AQR: variants seen among roughly 807,000 people sequenced by gnomAD.
AQR encodes aquarius intron-binding spliceosomal factor.
A neutral mutation model predicts 180.5 loss-of-function variants in AQR; 61 were observed. That is an observed-to-expected ratio of 0.34 (90% confidence interval 0.28 to 0.42). The LOEUF is 0.42. Ranked by LOEUF, AQR falls within the 10% of genes least tolerant of loss-of-function variation. The pLI is 1.00. For missense variants in AQR, 1,281 were observed against 1,798.3 expected, an observed-to-expected ratio of 0.71 and a Z score of 5.20; for synonymous variants, 551 against 588.8, an observed-to-expected ratio of 0.94 and a Z score of 0.93.
intron 1 of AQR, among the ~76,000 whole-genome samples, chr15:34,968,248 GGA>G: frequency 1.7e-5 from 2 of 119,764 alleles, no homozygotes; most frequent in Admixed American, 8.9e-5. Flanking sequence ...AGGAAAGGAA[GGA>G]AGAGATTTTT....
chr15:34,952,482 T>C (rs1894249129), intron 4 of AQR, among the ~76,000 whole-genome samples: 1 of 152,208 alleles, frequency 6.6e-6, no homozygotes. Flanking sequence ...CTAAAAATCA[T>C]ACATTATCTT....
At chr15:34,961,859 C>CA (rs2050281534) in intron 2 of AQR, among the ~76,000 whole-genome samples, 1 of 151,746 alleles carries the variant, frequency 6.6e-6, no homozygotes, top group Non-Finnish European at 1.5e-5. Context: ...TAAGACAGGG[C>CA]ATATAAACAA....
intron 20 of AQR, 68 bp downstream of exon 20, chr15:34,900,554 A>T: frequency 6.5e-7 from 1 of 1,536,528 alleles, no homozygotes; most frequent in Non-Finnish European, 8.8e-7. Flanking sequence ...TTTAGCTAAC[A>T]ATCCTGATGG....
intron 5 of AQR, among the ~76,000 whole-genome samples, chr15:34,946,438 G>GGA (rs1566995093): frequency 7.3e-6 from 1 of 136,450 alleles, no homozygotes; most frequent in Non-Finnish European, 1.6e-5. Flanking sequence ...GGTGGGGGGG[G>GGA]TCAGCCCCCC....
At chr15:34,941,929 T>C in intron 7 of AQR, 83 bp downstream of exon 7, 1 of 1,012,546 alleles carries the variant, frequency 9.9e-7, no homozygotes, top group Non-Finnish European at 1.4e-6. Context: ...ACCACTTGTA[T>C]ATCCAGATTA....
chr15:34,937,443 A>G (rs1054525133), intron 9 of AQR, among the ~76,000 whole-genome samples: 1 of 152,206 alleles, frequency 6.6e-6, no homozygotes, highest in African/African-American at 2.4e-5. Context: ...CAATTGTAAA[A>G]TATTACTTGG....
At position 34,888,971 on chromosome 15, in the gene AQR, A is replaced by G. The variant is rs561238725; in HGVS notation, c.2681+1244T>C. On this transcript the variant is annotated intron_variant, in intron 24 of 34. Transcript: ENST00000156471. ...GTTATGTGTCAGAATTTAAAAGTAC[A>G]TTTTTTCTAACAAATTTGGTGGTAC... Among the ~76,000 whole-genome samples, 23 of 152,330 alleles carry G rather than the reference A, an allele frequency of 1.5e-4. No homozygotes were observed. In the South Asian group the frequency reaches 4.8e-3, roughly 32 times the overall value.
chr15:34,959,129 A>G (rs1421258690), intron 3 of AQR, among the ~76,000 whole-genome samples: 1 of 152,130 alleles, frequency 6.6e-6, no homozygotes, highest in Non-Finnish European at 1.5e-5. Flanking sequence ...AGCATCGAAA[A>G]GGTGGCTAAT....
chr15:34,916,625 T>TA (rs1893593227), intron 15 of AQR, among the ~76,000 whole-genome samples: 1 of 151,960 alleles, frequency 6.6e-6, no homozygotes, highest in African/African-American at 2.4e-5. Context: ...ATCTAGGTGT[T>TA]AAATATCTAT....
At position 34,874,988 on chromosome 15, in the gene AQR, G is replaced by C. The variant is rs187500930; in HGVS notation, c.3238-124C>G. 7 of 897,460 alleles carry C rather than the reference G, an allele frequency of 7.8e-6. No homozygotes were observed. In the East Asian group the frequency reaches 1.9e-4, roughly 24 times the overall value. 55.6% of individuals were successfully genotyped at this position (897,460 alleles called of 1,614,324 possible). On this transcript the variant is annotated intron_variant, in intron 28 of 34. Coordinates refer to ENST00000156471, the MANE Select transcript of AQR (RefSeq NM_014691.3). Reference sequence around the variant, plus strand: ...TCTTACAAATTACCAAACTTTACCAGCTCCACAAACAGGAGTCTAGCAAAT... The same window carrying C: ...TCTTACAAATTACCAAACTTTACCACCTCCACAAACAGGAGTCTAGCAAAT...
At chr15:34,871,319 C>G (rs1892813309) in intron 30 of AQR, among the ~76,000 whole-genome samples, 1 of 151,962 alleles carries the variant, frequency 6.6e-6, no homozygotes, top group African/African-American at 2.4e-5. Flanking sequence ...CCAGCCTGGA[C>G]AACATGGTGA....
chr15:34,904,964 T>C (rs1566986422), intron 18 of AQR, among the ~76,000 whole-genome samples: 2 of 151,892 alleles, frequency 1.3e-5, no homozygotes, highest in Non-Finnish European at 2.9e-5. Flanking sequence ...GTTCATCACT[T>C]TTCTCATCCT....
At chr15:34,867,481 TAGTAA>T in intron 32 of AQR, 38 bp downstream of exon 32, 1 of 1,499,042 alleles carries the variant, frequency 6.7e-7, no homozygotes, top group Non-Finnish European at 9.3e-7. Flanking sequence ...TTGAAGTAGA[TAGTAA>T]AGTTCAATAA....
At position 34,966,194 on chromosome 15, in the gene AQR, G is replaced by A. The variant is rs189452571; in HGVS notation, c.76-1904C>T. 2.7e-3 allele frequency among the ~76,000 whole-genome samples: 407 copies of A among 152,286 alleles called. 2 individuals are homozygous for A. The highest frequency in any genetic ancestry group is 9.1e-3 in the African/African-American group (379 of 41,570). On this transcript the variant is annotated intron_variant, in intron 1 of 34. Transcript: ENST00000156471. ...AATAAAAATATAATGGTATAAAAAAGTGAGGTCACAAAGTTCAGATCTCCA... is the reference window on the plus strand; with the variant it reads ...AATAAAAATATAATGGTATAAAAAAATGAGGTCACAAAGTTCAGATCTCCA...
chr15:34,943,444 A>AAAATAAAT (rs3062307), intron 6 of AQR: 52 of 512,186 alleles, frequency 1.0e-4, no homozygotes, highest in Middle Eastern at 5.7e-4. Context: ...GTTTATGTTC[A>AAAATAAAT]AAATAAATAA....
At chr15:34,959,124 C>T (rs554554910) in intron 3 of AQR, among the ~76,000 whole-genome samples, 4 of 152,238 alleles carry the variant, frequency 2.6e-5, no homozygotes, top group South Asian at 4.1e-4. Flanking sequence ...CTGTTAGCAT[C>T]GAAAAGGTGG....
rs77229498 is a variant in AQR at position 34,930,818 on chromosome 15, CTTTTTTTTTTTTTTTTTTTT to C, written c.901-467_901-448del. Among the ~76,000 whole-genome samples, 183 of 84,770 alleles carry C rather than the reference CTTTTTTTTTTTTTTTTTTTT, an allele frequency of 2.2e-3. 1 individual carries two copies. In the Middle Eastern group the frequency reaches 0.026, roughly 12 times the overall value. The allele number at this position is 84,770 out of a possible 152,430, so 55.6% of individuals were successfully genotyped here. The stretch of plus-strand genomic sequence containing the variant: ...GGAGATACTTTTTTATACGCCACTT[CTTTTTTTTTTTTTTTTTTTT>C]TTTTTTTTTTTGGTCTGAGACGGAG... On this transcript the variant is annotated intron_variant, in intron 11 of 34. Transcript: ENST00000156471.
chr15:34,877,249 A>C (rs774336249), intron 27 of AQR, among the ~76,000 whole-genome samples: 14 of 152,202 alleles, frequency 9.2e-5, no homozygotes, highest in Non-Finnish European at 1.2e-4. Flanking sequence ...ATCGCTACTT[A>C]GTATGACATC....
rs35327798 is a variant in AQR at position 34,854,155 on chromosome 15, G to GAAAAAA, written c.*2631_*2636dup. Reference sequence around the variant, plus strand: ...ATGAACTTTCTTAACTCAGAATTTTGAAAAAAAAAAAAAAAAAAGAAGAAG... The same window carrying GAAAAAA: ...ATGAACTTTCTTAACTCAGAATTTTGAAAAAAAAAAAAAAAAAAAAAAAAGAAGAAG... On this transcript the variant is annotated 3_prime_UTR_variant, in exon 35 of 35. Transcript: ENST00000156471. 2 of 130,798 alleles carry GAAAAAA rather than the reference G, an allele frequency of 1.5e-5. No homozygotes were observed. The highest frequency in any genetic ancestry group is 5.8e-5 in the African/African-American group (2 of 34,608). The allele number at this position is 130,798 out of a possible 1,614,324, so 8.1% of individuals were successfully genotyped here.
Sources: allele counts gnomAD v4.1 joint callset (sites outside exome capture counted in the v4.1 genomes callset), GRCh38; gene constraint gnomAD v4.1.1; transcripts MANE v1.5; gene names NCBI Gene and HGNC (gene_info 2026-07-23, HGNC 2026-07-21).